Variants in TSGA10 observed in about 807,000 individuals in gnomAD.
TSGA10 encodes testis-specific gene 10 protein.
In TSGA10, 43 loss-of-function variants were observed where a neutral mutation model predicts 96.6. The observed-to-expected ratio is 0.44, with a 90% CI of 0.35 to 0.57. TSGA10 has a LOEUF of 0.57. Among genes scored for constraint, TSGA10 ranks in the 20% least tolerant of loss-of-function variants. The pLI is 0.01. For synonymous variants in TSGA10, 229 were observed against 269.9 expected, an observed-to-expected ratio of 0.85 and a Z score of 1.48; for missense variants, 703 against 834.4, an observed-to-expected ratio of 0.84 and a Z score of 1.94.
At chr2:99,012,683 A>G (rs2079101612) in intron 20 of TSGA10, among the ~76,000 whole-genome samples, 2 of 152,220 alleles carry the variant, frequency 1.3e-5, no homozygotes, top group South Asian at 2.1e-4. Flanking sequence ...TTTAGAAAAC[A>G]ATGACTATTA....
At chr2:99,104,201 A>G in intron 9 of TSGA10, 83 bp from the exon 10 acceptor site, 3 of 1,497,342 alleles carry the variant, frequency 2.0e-6, no homozygotes, top group Non-Finnish European at 9.1e-7. Flanking sequence ...CCTCTGTACA[A>G]ACTGGTTTAT....
chr2:99,006,342 C>G (rs1451875011), intron 20 of TSGA10, among the ~76,000 whole-genome samples: 4 of 152,122 alleles, frequency 2.6e-5, no homozygotes, highest in African/African-American at 9.7e-5. Context: ...AAACTACCAT[C>G]AGAGTGAACA....
chr2:99,024,425 A>T (rs2080357217), intron 17 of TSGA10, among the ~76,000 whole-genome samples: 1 of 152,060 alleles, frequency 6.6e-6, no homozygotes, highest in Admixed American at 6.6e-5. Context: ...TTTTGATGCA[A>T]TTCCGTTTGA....
In TSGA10 at chr2:99,145,864, A is replaced by G. The variant is rs139433927; in HGVS notation, c.-621+8829T>C. 1.0e-3 allele frequency among the ~76,000 whole-genome samples: 155 copies of G among 152,350 alleles called. 1 individual carries two copies. Among genetic ancestry groups the G allele is most frequent in the African/African-American group, 3.3e-3 (138 of 41,584 alleles). On this transcript the variant is annotated intron_variant, in intron 1 of 20. Transcript: ENST00000393483. ...ATAAAAGGTTCAAACCAGTCCAGGC[A>G]TGGTGGCTTACGCCAGTAATCCCAG...
chr2:99,114,918 A>G (rs578114828), intron 4 of TSGA10, among the ~76,000 whole-genome samples: 1 of 152,262 alleles, frequency 6.6e-6, no homozygotes, highest in African/African-American at 2.4e-5. Context: ...AGACATACTA[A>G]AACTCTTCAA....
intron 1 of TSGA10, among the ~76,000 whole-genome samples, chr2:99,148,640 A>G (rs2093656476): frequency 6.6e-6 from 1 of 152,216 alleles, no homozygotes; most frequent in Admixed American, 6.5e-5. Flanking sequence ...TATCAAAGAT[A>G]CCACAGTAGG....
chr2:99,117,726 C>T lies in TSGA10; in HGVS notation c.-322G>A, dbSNP rs908913184. 28 of 985,646 alleles carry T rather than the reference C, an allele frequency of 2.8e-5. No individual in the cohort carries two copies. The highest frequency in any genetic ancestry group is 2.5e-5 in the Non-Finnish European group (21 of 829,916). 61.1% of individuals were successfully genotyped at this position (985,646 alleles called of 1,614,324 possible). A position where few individuals can be genotyped will look rare whatever the true frequency, so the allele number is the denominator to read the frequency against. On this transcript the variant is annotated 5_prime_UTR_variant, in exon 4 of 21. The change creates a premature stop within an existing upstream ORF in the 5' untranslated region. Transcript: ENST00000393483. ...TCCAAGAGTTTCCTAACATATTCTTCCAAGCCATGATTTGTCTGTTTGAGA... is the reference window on the plus strand; with the variant it reads ...TCCAAGAGTTTCCTAACATATTCTTTCAAGCCATGATTTGTCTGTTTGAGA...
At chr2:99,141,322 G>T in intron 1 of TSGA10, 1 of 322,938 alleles carries the variant, frequency 3.1e-6, no homozygotes, top group Non-Finnish European at 5.6e-6. Flanking sequence ...TGCCGCCGTG[G>T]CCCCGCCCTC....
rs1277199443 is a variant in TSGA10, at chr2:99,018,221, C to A, written c.2051G>T (p.Gly684Val). Residue 684 changes from glycine (G) to valine (V), a missense_variant, in exon 20 of 21, where the codon GGC (glycine) becomes GTC (valine). Gly to Val is a moderately radical substitution (Grantham distance 109). Transcript: ENST00000393483. The part of the protein sequence containing the change: ...ERAHHRSPDR[G>V]LDRSLEENLC... Reference sequence around the variant, plus strand: ...TCACTCTTCTAATGATCGATCTAGGCCTCGGTCAGGAGATCGATGGTGAGC... The same window carrying A: ...TCACTCTTCTAATGATCGATCTAGGACTCGGTCAGGAGATCGATGGTGAGC... 2 of 1,613,772 alleles carry A rather than the reference C, an allele frequency of 1.2e-6. No individual in the cohort carries two copies. Among genetic ancestry groups the A allele is most frequent in the Admixed American group, 3.3e-5 (2 of 59,952 alleles).
chr2:99,001,625 G>C (rs929712453), intron 20 of TSGA10, among the ~76,000 whole-genome samples: 4 of 152,186 alleles, frequency 2.6e-5, no homozygotes, highest in African/African-American at 9.7e-5. Context: ...AAACTGGACA[G>C]AGAATGACTT....
intron 10 of TSGA10, among the ~76,000 whole-genome samples, chr2:99,098,578 A>G (rs1435357496): frequency 1.4e-5 from 2 of 147,850 alleles, no homozygotes; most frequent in African/African-American, 2.5e-5. Context: ...TAATAAGAAC[A>G]AAAGTAATGA....
chr2:99,146,870 G>A (rs1231626346), intron 1 of TSGA10, among the ~76,000 whole-genome samples: 1 of 152,018 alleles, frequency 6.6e-6, no homozygotes, highest in African/African-American at 2.4e-5. Context: ...CTCGTGATCC[G>A]CCCACCTCAG....
At chr2:99,081,682 T>C (rs1330612079) in intron 10 of TSGA10, among the ~76,000 whole-genome samples, 2 of 152,204 alleles carry the variant, frequency 1.3e-5, no homozygotes, top group Non-Finnish European at 2.9e-5. Flanking sequence ...GGAACTACTA[T>C]GTTAGCTCTG....
intron 10 of TSGA10, among the ~76,000 whole-genome samples, chr2:99,083,780 C>T (rs1235041881): frequency 6.6e-6 from 1 of 152,000 alleles, no homozygotes; most frequent in African/African-American, 2.4e-5. Context: ...AGTTGGACAA[C>T]AGATTAGTGT....
At chr2:99,054,351 T>C (rs1418955028) in intron 16 of TSGA10, among the ~76,000 whole-genome samples, 1 of 152,070 alleles carries the variant, frequency 6.6e-6, no homozygotes, top group Non-Finnish European at 1.5e-5. Context: ...TTTCAACATA[T>C]ACAAAAATCA....
At chr2:99,056,886 G>A (rs2084065333) in intron 16 of TSGA10, among the ~76,000 whole-genome samples, 1 of 148,086 alleles carries the variant, frequency 6.8e-6, no homozygotes, top group African/African-American at 2.5e-5. Context: ...CCATGACCAA[G>A]TGGGATTTAT....
In TSGA10 at chr2:99,073,179, G is replaced by A; in HGVS notation, c.883-106C>T. 5.5e-6 allele frequency: 4 copies of A among 729,194 alleles called. No homozygotes were observed. In the South Asian group the frequency reaches 5.8e-5, roughly 11 times the overall value. The allele number at this position is 729,194 out of a possible 1,614,324, so 45.2% of individuals were successfully genotyped here. ...TCCCTTTCCCTTTAGGTTTCCATTT[G>A]GTTTTAAAAACATGTATGTCCTATT... On this transcript the variant is annotated intron_variant, in intron 12 of 20. Transcript: ENST00000393483.
intron 4 of TSGA10, among the ~76,000 whole-genome samples, chr2:99,114,507 C>T (rs1320552031): frequency 6.6e-6 from 1 of 152,128 alleles, no homozygotes; most frequent in East Asian, 1.9e-4. Flanking sequence ...GCAATGGTAT[C>T]TCTACTCCAA....
chr2:99,133,334 T>G (rs1455294564), intron 1 of TSGA10, among the ~76,000 whole-genome samples: 2 of 152,228 alleles, frequency 1.3e-5, no homozygotes, highest in African/African-American at 2.4e-5. Flanking sequence ...TTAACCATTA[T>G]GTAATGCCCT....
Sources: gnomAD v4.1 joint callset for allele counts (sites outside exome capture counted in the v4.1 genomes callset) on GRCh38, gnomAD v4.1.1 for gene constraint, MANE v1.5 for transcripts, NCBI Gene and HGNC (gene_info 2026-07-23, HGNC 2026-07-21) for gene names.